Variants in DNAH11 observed in about 807,000 individuals in gnomAD.
DNAH11 encodes the protein dynein axonemal heavy chain 11, also known as axonemal beta dynein heavy chain 11.
In DNAH11, 442 loss-of-function variants were observed where a neutral mutation model predicts 526.0. The ratio of observed to expected loss-of-function variants is 0.84; its 90% confidence interval spans 0.78 to 0.91. The LOEUF is 0.91. DNAH11 is among the 40% of genes least tolerant of loss of function. The pLI is 0.00. For synonymous variants in DNAH11, 2,461 were observed against 1,935.9 expected (o/e 1.27, Z -7.12); for missense variants, 6,989 against 5,448.7 (o/e 1.28, Z -8.90).
intron 45 of DNAH11, among the ~76,000 whole-genome samples, chr7:21,727,378 C>T (rs2906667): frequency 0.56 from 84,776 of 152,102 alleles, 23,716 homozygotes; most frequent in South Asian, 0.61. Context: ...TCTGAACTTA[C>T]TGTAAACTTC....
At chr7:21,830,701 T>C (rs1206551437) in intron 65 of DNAH11, among the ~76,000 whole-genome samples, 1 of 152,036 alleles carries the variant, frequency 6.6e-6, no homozygotes, top group Non-Finnish European at 1.5e-5. Flanking sequence ...ATCAGTTGAG[T>C]GATCTCTAGT....
chr7:21,865,590 G>A (rs747048090), intron 70 of DNAH11, among the ~76,000 whole-genome samples: 2 of 152,172 alleles, frequency 1.3e-5, no homozygotes, highest in Non-Finnish European at 2.9e-5. Context: ...TAGAGGATCT[G>A]TGGCCTGTGG....
chr7:21,591,552 G>C lies in DNAH11; in HGVS notation c.2642G>C (p.Gly881Ala). 1 of 1,575,916 alleles carries C rather than the reference G, an allele frequency of 6.3e-7. No individual in the cohort carries two copies. ...AAATACAAGTTAATCCAAGGAGATGGCTGCAAGATCCACAACTTGGTCGAG... is the reference window on the plus strand; with the variant it reads ...AAATACAAGTTAATCCAAGGAGATGCCTGCAAGATCCACAACTTGGTCGAG... ...TKKYKLIQGDGCKIHNLVEEN... is the reference protein window; with the variant it reads ...TKKYKLIQGDACKIHNLVEEN... Residue 881 changes from glycine to alanine, a missense_variant, in exon 14 of 82, where the codon GGC becomes GCC. Gly to Ala is a moderately conservative substitution (Grantham distance 60). Coordinates refer to ENST00000409508, the MANE Select transcript of DNAH11 (RefSeq NM_001277115.2).
chr7:21,680,963 C>T (rs143969536), intron 30 of DNAH11, among the ~76,000 whole-genome samples: 624 of 152,108 alleles, frequency 4.1e-3, no homozygotes, highest in Non-Finnish European at 6.3e-3. Flanking sequence ...TGTTATGGAC[C>T]GGGCTATCAT....
chr7:21,889,560 T>A (rs1784255703), intron 76 of DNAH11, among the ~76,000 whole-genome samples: 1 of 152,232 alleles, frequency 6.6e-6, no homozygotes, highest in African/African-American at 2.4e-5. Flanking sequence ...CCAAGACTGC[T>A]ACTGTCCACA....
At chr7:21,762,152 A>G (rs543662385) in intron 54 of DNAH11, among the ~76,000 whole-genome samples, 3 of 152,262 alleles carry the variant, frequency 2.0e-5, no homozygotes, top group Admixed American at 2.0e-4. Context: ...CCCTCCCTCG[A>G]CACATGAGGA....
At position 21,775,685 on chromosome 7, in the gene DNAH11, G is replaced by A. The variant is rs571940392; in HGVS notation, c.9336+1686G>A. Among the ~76,000 whole-genome samples the A allele has an allele frequency of 5.3e-5, 8 of 150,398 alleles. No individual in the cohort carries two copies. In the East Asian group the frequency reaches 1.2e-3, roughly 22 times the overall value. On this transcript the variant is annotated intron_variant, in intron 56 of 81. Coordinates refer to ENST00000409508, the MANE Select transcript of DNAH11 (RefSeq NM_001277115.2). ...AGCTTATTTTACTTTCTTAACTTTT[G>A]CCCCTCTCCATGTCAGTTTTCTTCT...
At chr7:21,598,032 T>C (rs1228886911) in intron 14 of DNAH11, among the ~76,000 whole-genome samples, 4 of 152,156 alleles carry the variant, frequency 2.6e-5, no homozygotes, top group Non-Finnish European at 5.9e-5. Context: ...GCTAGGGTTC[T>C]CTCATCTCTC....
intron 30 of DNAH11, among the ~76,000 whole-genome samples, chr7:21,669,068 T>A (rs985922337): frequency 2.6e-5 from 4 of 152,218 alleles, no homozygotes; most frequent in African/African-American, 9.6e-5. Context: ...TTTTCTAATG[T>A]CTAAAGATGT....
intron 30 of DNAH11, among the ~76,000 whole-genome samples, chr7:21,677,696 A>T (rs911867182): frequency 2.6e-5 from 4 of 152,164 alleles, no homozygotes; most frequent in African/African-American, 9.7e-5. Flanking sequence ...GTGATCAGTG[A>T]TCTTTGATGT....
intron 46 of DNAH11, among the ~76,000 whole-genome samples, chr7:21,736,395 G>T (rs764501152): frequency 6.6e-6 from 1 of 152,156 alleles, no homozygotes; most frequent in African/African-American, 2.4e-5. Flanking sequence ...GATGTAGAGA[G>T]GAAATCACCG....
chr7:21,600,058 G>A lies in DNAH11; in HGVS notation c.2939G>A (p.Ser980Asn). Reference sequence around the variant, plus strand: ...CTTGTAGAAGAAATGTTATGCAATAGTTTTAGAATGTCTGCCCAGATGAAC... The same window carrying A: ...CTTGTAGAAGAAATGTTATGCAATAATTTTAGAATGTCTGCCCAGATGAAC... ...YDLVEEMLCN[S>N]FRMSAQMNRI... The change falls in exon 15 of 82, where the codon AGT (serine) becomes AAT (asparagine). Residue 980 changes from serine to asparagine, a missense_variant. Coordinates refer to ENST00000409508, the MANE Select transcript of DNAH11 (RefSeq NM_001277115.2). 6.2e-7 allele frequency: 1 copy of A among 1,602,848 alleles called. No homozygotes were observed. The highest frequency in any genetic ancestry group is 8.5e-7 in the Non-Finnish European group (1 of 1,172,832).
At chr7:21,553,873 C>G (rs147597113) in intron 2 of DNAH11, among the ~76,000 whole-genome samples, 14 of 152,122 alleles carry the variant, frequency 9.2e-5, no homozygotes, top group African/African-American at 3.1e-4. Context: ...TTAGTAATTT[C>G]TTAATTGGTT....
Position 21,617,753 on chromosome 7 carries a change from G to A in DNAH11, c.4230G>A (p.Trp1410Ter), listed in dbSNP as rs367916239. 4 of 1,605,320 alleles carry A rather than the reference G, an allele frequency of 2.5e-6. No homozygotes were observed. The highest frequency in any genetic ancestry group is 3.4e-6 in the Non-Finnish European group (4 of 1,176,336). ...LQSPALRDRH[W>*]HQLMKAIGVK... is the part of the protein sequence containing the mutation. ...GCCCTGCCCTCAGGGACAGGCATTG[G>A]CACCAGCTGATGAAAGCTATTGGGG... The change falls in exon 23 of 82, where the codon TGG becomes TGA. Residue 1410 changes from tryptophan (W) to a stop codon, truncating the protein, a stop_gained. Transcript: ENST00000409508. LOFTEE classifies it high-confidence loss of function.
intron 70 of DNAH11, among the ~76,000 whole-genome samples, chr7:21,864,907 A>T (rs1562591892): frequency 1.3e-5 from 2 of 152,334 alleles, no homozygotes; most frequent in South Asian, 4.1e-4. Context: ...ATCTGTCAGG[A>T]CCTTTGATAA....
chr7:21,772,282 G>A (rs188763331), intron 55 of DNAH11, among the ~76,000 whole-genome samples: 6 of 151,402 alleles, frequency 4.0e-5, no homozygotes, highest in East Asian at 3.9e-4. Flanking sequence ...AGCTTTCAGC[G>A]CCTCCAAGGA....
intron 2 of DNAH11, among the ~76,000 whole-genome samples, chr7:21,548,970 C>T (rs1200451140): frequency 2.0e-5 from 3 of 152,004 alleles, no homozygotes; most frequent in East Asian, 3.9e-4. Context: ...CAACCTCTGC[C>T]TCCCCAGTTC....
At chr7:21,666,053 A>C (rs2128467856) in intron 30 of DNAH11, among the ~76,000 whole-genome samples, 1 of 152,280 alleles carries the variant, frequency 6.6e-6, no homozygotes, top group South Asian at 2.1e-4. Flanking sequence ...CTTAATTTTA[A>C]AACTGGTATC....
intron 44 of DNAH11, among the ~76,000 whole-genome samples, chr7:21,725,501 T>C (rs1325997600): frequency 1.3e-5 from 2 of 152,214 alleles, no homozygotes. Context: ...TACGCCATTC[T>C]TATTTTTCCC....
Sources: gnomAD v4.1 joint callset for allele counts (sites outside exome capture counted in the v4.1 genomes callset) on GRCh38, gnomAD v4.1.1 for gene constraint, MANE v1.5 for transcripts, NCBI Gene and HGNC (gene_info 2026-07-23, HGNC 2026-07-21) for gene names.